MAGI2: variants seen among roughly 807,000 people sequenced by gnomAD.
MAGI2 encodes the protein membrane associated guanylate kinase, WW and PDZ domain containing 2.
A neutral mutation model predicts 133.3 loss-of-function variants in MAGI2; 35 were observed. That is an observed-to-expected ratio of 0.26 (90% CI 0.20 to 0.35). The LOEUF (loss-of-function observed/expected upper bound fraction) is 0.35, where lower values mean the gene tolerates loss of function less well. Ranked by LOEUF, MAGI2 falls within the 10% of genes least tolerant of loss-of-function variation. The probability of loss-of-function intolerance (pLI) is 1.00; values close to 1 mark genes in which losing one functional copy is unlikely to be tolerated. For synonymous variants in MAGI2, 729 were observed against 710.6 expected, an observed-to-expected ratio of 1.03 and a Z score of -0.41; for missense variants, 1,636 against 1,863.4, an observed-to-expected ratio of 0.88 and a Z score of 2.25.
intron 20 of MAGI2, among the ~76,000 whole-genome samples, chr7:78,091,517 T>C (rs1298776917): frequency 6.6e-6 from 1 of 152,178 alleles, no homozygotes; most frequent in African/African-American, 2.4e-5. Context: ...AAAGCATGCA[T>C]AGGGGCACTG....
intron 20 of MAGI2, among the ~76,000 whole-genome samples, chr7:78,097,991 C>T (rs1003589690): frequency 6.6e-5 from 10 of 151,872 alleles, no homozygotes; most frequent in South Asian, 2.1e-4. Context: ...TGAAAAATTT[C>T]GTGTGTTATT....
In MAGI2 at chr7:78,256,497, A is replaced by T; in HGVS notation, c.1493T>A (p.Ile498Asn). The change falls in exon 10 of 22, where the codon ATT becomes AAT. Residue 498 changes from isoleucine (I) to asparagine (N), a missense_variant. Ile to Asn is a moderately radical substitution (Grantham distance 149, BLOSUM62 -3). Transcript: ENST00000354212. ...CAACACCAGGTTGACACTCTGACCA[A>T]TAGGAACAGACTGGAAAAGTTTGAC... is the stretch of plus-strand genomic sequence containing the variant. ...DVVKLFQSVPIGQSVNLVLCR... is the reference protein window; with the variant it reads ...DVVKLFQSVPNGQSVNLVLCR... The T allele has an allele frequency of 6.2e-7, 1 of 1,613,958 alleles. No homozygotes were observed. Among genetic ancestry groups the T allele is most frequent in the Non-Finnish European group, 8.5e-7 (1 of 1,179,958 alleles).
chr7:78,289,653 G>A (rs116603287), intron 9 of MAGI2, among the ~76,000 whole-genome samples: 7,903 of 152,158 alleles, frequency 0.052, 396 homozygotes, highest in African/African-American at 0.13. Context: ...ACACATAATC[G>A]TCTGATTCAC....
At chr7:78,721,398 G>C (rs1034342068) in intron 2 of MAGI2, among the ~76,000 whole-genome samples, 3 of 151,844 alleles carry the variant, frequency 2.0e-5, no homozygotes, top group South Asian at 2.1e-4. Flanking sequence ...CTATTTGTAG[G>C]TTCCTTTAAA....
intron 1 of MAGI2, among the ~76,000 whole-genome samples, chr7:79,220,289 C>CA (rs1830346908): frequency 6.6e-6 from 1 of 152,120 alleles, no homozygotes; most frequent in East Asian, 1.9e-4. Context: ...TCTCATCTGA[C>CA]ACACAATGTC....
chr7:79,024,444 C>T (rs1809663756), intron 1 of MAGI2, among the ~76,000 whole-genome samples: 1 of 151,980 alleles, frequency 6.6e-6, no homozygotes. Flanking sequence ...AAGACAAAGC[C>T]ACCAATAGCA....
At chr7:79,018,334 G>C (rs1808944559) in intron 1 of MAGI2, among the ~76,000 whole-genome samples, 1 of 152,148 alleles carries the variant, frequency 6.6e-6, no homozygotes, top group African/African-American at 2.4e-5. Context: ...ATCCTTTTCA[G>C]AAAAGCAAAC....
At chr7:78,327,255 T>C (rs1485506928) in intron 9 of MAGI2, among the ~76,000 whole-genome samples, 1 of 152,220 alleles carries the variant, frequency 6.6e-6, no homozygotes, top group Admixed American at 6.5e-5. Context: ...AAATCTCACA[T>C]AGCAACCTCA....
At chr7:79,072,995 A>T (rs141131525) in intron 1 of MAGI2, among the ~76,000 whole-genome samples, 183 of 152,276 alleles carry the variant, frequency 1.2e-3, no homozygotes, top group African/African-American at 4.2e-3. Flanking sequence ...TTTGACACAG[A>T]TTTCTTTTCT....
intron 4 of MAGI2, among the ~76,000 whole-genome samples, chr7:78,504,497 C>T (rs546354862): frequency 1.1e-4 from 16 of 152,088 alleles, no homozygotes; most frequent in African/African-American, 3.9e-4. Context: ...AGTTCCTTAA[C>T]TCAGAAACTA....
At chr7:79,322,720 A>T (rs1184240611) in intron 1 of MAGI2, among the ~76,000 whole-genome samples, 1 of 151,168 alleles carries the variant, frequency 6.6e-6, no homozygotes, top group African/African-American at 2.4e-5. Context: ...CGGGAGGCAG[A>T]GGTTGCGGTG....
chr7:78,922,639 G>A (rs1289148385), intron 2 of MAGI2, among the ~76,000 whole-genome samples: 4 of 152,140 alleles, frequency 2.6e-5, no homozygotes, highest in Non-Finnish European at 4.4e-5. Flanking sequence ...TGTGAATAAT[G>A]CCGCAATAAA....
At position 78,971,320 on chromosome 7, in the gene MAGI2, G is replaced by A. The variant is rs986249409; in HGVS notation, c.418+35770C>T. Among the ~76,000 whole-genome samples the A allele has an allele frequency of 4.6e-5, 7 of 151,906 alleles. No individual in the cohort carries two copies. The East Asian group carries it at 1.4e-3, about 30-fold the overall frequency. On this transcript the variant is annotated intron_variant, in intron 2 of 21. Coordinates refer to ENST00000354212, the MANE Select transcript of MAGI2 (RefSeq NM_012301.4). ...AAGAGATATGGAGATAAATCTATAA[G>A]CAATTGGGAATAAAAATATTACTAA...
intron 16 of MAGI2, 110 bp from the exon 17 acceptor site, chr7:78,135,316 G>C: frequency 3.3e-6 from 3 of 910,078 alleles, no homozygotes; most frequent in Non-Finnish European, 5.1e-6. Context: ...CTTCGTCAGT[G>C]TATTTGCCTT....
chr7:78,499,598 C>T (rs1009631045), intron 5 of MAGI2, among the ~76,000 whole-genome samples: 14 of 152,288 alleles, frequency 9.2e-5, no homozygotes, highest in African/African-American at 1.7e-4. Context: ...TCTTCACAAC[C>T]TCAAAACCTG....
chr7:78,292,437 C>T (rs1196054209), intron 9 of MAGI2, among the ~76,000 whole-genome samples: 2 of 152,046 alleles, frequency 1.3e-5, no homozygotes, highest in Non-Finnish European at 2.9e-5. Context: ...TAAAAGAGGA[C>T]ACAAACAAAT....
At chr7:79,425,253 GAA>G (rs398047789) in intron 1 of MAGI2, among the ~76,000 whole-genome samples, 69 of 125,458 alleles carry the variant, frequency 5.5e-4, no homozygotes, top group Middle Eastern at 4.1e-3. Context: ...CTCCGTCTCA[GAA>G]AAAAAAAAAA....
At chr7:78,333,614 C>T (rs1306947020) in intron 9 of MAGI2, among the ~76,000 whole-genome samples, 3 of 152,164 alleles carry the variant, frequency 2.0e-5, no homozygotes, top group Admixed American at 6.5e-5. Flanking sequence ...CCAGCCTAGG[C>T]CTTAAGAGGC....
At chr7:78,558,127 A>G (rs2150728666) in intron 3 of MAGI2, among the ~76,000 whole-genome samples, 1 of 152,340 alleles carries the variant, frequency 6.6e-6, no homozygotes, top group African/African-American at 2.4e-5. Context: ...AATACAAATA[A>G]AATAATCAGA....
Sources: allele counts gnomAD v4.1 joint callset (sites outside exome capture counted in the v4.1 genomes callset), GRCh38; gene constraint gnomAD v4.1.1; transcripts MANE v1.5; gene names NCBI Gene and HGNC (gene_info 2026-07-23, HGNC 2026-07-21).